RABEP1: variants seen among roughly 807,000 people sequenced by gnomAD.
RABEP1 encodes rabaptin, RAB GTPase binding effector protein 1.
Under a neutral mutation model 123.4 loss-of-function variants are expected in RABEP1, and 51 were observed. The observed-to-expected ratio is 0.41, with a 90% CI of 0.33 to 0.52. RABEP1 has a LOEUF of 0.52. Among genes scored for constraint, RABEP1 ranks in the 20% least tolerant of loss-of-function variants. The pLI is 0.16. For missense variants in RABEP1, 888 were observed against 996.3 expected (o/e 0.89, Z 1.46); for synonymous variants, 347 against 355.2 (o/e 0.98, Z 0.26).
intron 5 of RABEP1, among the ~76,000 whole-genome samples, chr17:5,344,142 A>G (rs1907863542): frequency 6.6e-6 from 1 of 152,228 alleles, no homozygotes; most frequent in Admixed American, 6.5e-5. Context: ...CTGACAAAAT[A>G]TTAATATCCA....
At chr17:5,364,710 CAAAA>C (rs200314940) in intron 10 of RABEP1, among the ~76,000 whole-genome samples, 24 of 112,642 alleles carry the variant, frequency 2.1e-4, no homozygotes, top group Admixed American at 3.7e-4. Context: ...ACTCTTGTCT[CAAAA>C]AAAAAAAAAA....
chr17:5,360,932 A>T (rs1372413250), intron 8 of RABEP1: 1 of 381,068 alleles, frequency 2.6e-6, no homozygotes, highest in East Asian at 5.2e-5. Flanking sequence ...TCCTTTTATC[A>T]CAGTATTATA....
intron 12 of RABEP1, among the ~76,000 whole-genome samples, chr17:5,371,839 C>A (rs1027609333): frequency 6.6e-6 from 1 of 152,136 alleles, no homozygotes; most frequent in African/African-American, 2.4e-5. Flanking sequence ...TCTTTCTCCT[C>A]TATTGGACCA....
At chr17:5,336,279 C>T (rs987996062) in intron 4 of RABEP1, among the ~76,000 whole-genome samples, 2 of 151,988 alleles carry the variant, frequency 1.3e-5, no homozygotes, top group Admixed American at 1.3e-4. Context: ...AATTTTAGAA[C>T]TGTTTTTGAT....
rs1311154467 is a variant in RABEP1 at position 5,338,428 on chromosome 17, C to T, written c.648+290C>T. On this transcript the variant is annotated intron_variant, in intron 5 of 17. Transcript: ENST00000537505. The stretch of plus-strand genomic sequence containing the variant: ...AATACAAATTAACCAGGCATGGTGG[C>T]GCATGCCTGTAATCCCGGCTGCTCC... Among the ~76,000 whole-genome samples the T allele has an allele frequency of 9.2e-5, 14 of 152,254 alleles. No homozygotes were observed. In the East Asian group the frequency reaches 1.2e-3, roughly 13 times the overall value.
At chr17:5,299,287 C>T (rs2075111259) in intron 1 of RABEP1, among the ~76,000 whole-genome samples, 1 of 151,986 alleles carries the variant, frequency 6.6e-6, no homozygotes, top group African/African-American at 2.4e-5. Context: ...TGCCCTGGAC[C>T]TGGAATTGGT....
chr17:5,282,392 G>C lies in RABEP1; in HGVS notation c.-95G>C. On this transcript the variant is annotated 5_prime_UTR_variant, in exon 1 of 18. Transcript: ENST00000537505. ...TTTCTCTCTGGGCGGCGGCGGCGGC[G>C]GCTCGGTTGACGCCTCCTCCGCCAG... The C allele has an allele frequency of 9.8e-7, 1 of 1,017,320 alleles. No individual in the cohort carries two copies. The highest frequency in any genetic ancestry group is 1.3e-6 in the Non-Finnish European group (1 of 768,262). The allele number at this position is 1,017,320 out of a possible 1,614,324, so 63.0% of individuals were successfully genotyped here.
intron 5 of RABEP1, among the ~76,000 whole-genome samples, chr17:5,344,920 G>A (rs1458357720): frequency 2.0e-5 from 3 of 151,830 alleles, no homozygotes; most frequent in East Asian, 1.9e-4. Flanking sequence ...CTGAGATCGC[G>A]GCACCACCCT....
chr17:5,292,831 A>G (rs1181777228), intron 1 of RABEP1, among the ~76,000 whole-genome samples: 1 of 151,918 alleles, frequency 6.6e-6, no homozygotes, highest in Non-Finnish European at 1.5e-5. Context: ...ACAGGCATGC[A>G]CCACCATGCC....
At chr17:5,372,319 C>CCTGT (rs2144709826) in intron 12 of RABEP1, among the ~76,000 whole-genome samples, 1 of 152,212 alleles carries the variant, frequency 6.6e-6, no homozygotes, top group African/African-American at 2.4e-5. Context: ...GTGGTGCGTG[C>CCTGT]CTGTAGTCCC....
At position 5,282,307 on chromosome 17, in the gene RABEP1, G is replaced by A. The variant is rs887903382; in HGVS notation, c.-180G>A. The A allele has an allele frequency of 1.9e-5, 8 of 420,754 alleles. No homozygotes were observed. Among genetic ancestry groups the A allele is most frequent in the Admixed American group, 1.3e-4 (3 of 22,618 alleles). The allele number at this position is 420,754 out of a possible 1,614,324, so 26.1% of individuals were successfully genotyped here. A position where few individuals can be genotyped will look rare whatever the true frequency, so the allele number is the denominator to read the frequency against. ...CTGTCAGGATGAGGAGGCGGAGGTC[G>A]GCGGTCGGGTCCGTCTCTGCCCGCG... On this transcript the variant is annotated 5_prime_UTR_variant, in exon 1 of 18. Transcript: ENST00000537505.
intron 7 of RABEP1, among the ~76,000 whole-genome samples, chr17:5,353,526 A>G (rs1043986525): frequency 3.3e-5 from 5 of 152,168 alleles, no homozygotes; most frequent in Non-Finnish European, 7.3e-5. Flanking sequence ...ACATTTGTTA[A>G]TGTTTCTAAT....
chr17:5,334,567 T>C (rs893472923), intron 3 of RABEP1, among the ~76,000 whole-genome samples: 7 of 152,216 alleles, frequency 4.6e-5, no homozygotes, highest in African/African-American at 1.4e-4. Context: ...GGTTTTGCCA[T>C]GTCGGCCAGG....
intron 16 of RABEP1, 85 bp from the exon 17 acceptor site, chr17:5,381,304 A>T (rs1034193374): frequency 3.2e-6 from 5 of 1,548,556 alleles, no homozygotes; most frequent in African/African-American, 1.4e-5. Context: ...TTTCTGCCCT[A>T]GTAGTAGGTA....
intron 8 of RABEP1, among the ~76,000 whole-genome samples, chr17:5,356,318 T>C (rs1261914146): frequency 6.6e-6 from 1 of 152,174 alleles, no homozygotes; most frequent in Non-Finnish European, 1.5e-5. Flanking sequence ...ATTTTGCTAC[T>C]GCACTCCAGC....
chr17:5,313,075 A>G (rs983621409), intron 2 of RABEP1, among the ~76,000 whole-genome samples: 1 of 152,230 alleles, frequency 6.6e-6, no homozygotes, highest in Admixed American at 6.5e-5. Flanking sequence ...GCGCCACTGC[A>G]CTCCAGCCTG....
At chr17:5,329,626 A>G (rs1161908296) in intron 2 of RABEP1, among the ~76,000 whole-genome samples, 2 of 152,202 alleles carry the variant, frequency 1.3e-5, no homozygotes, top group African/African-American at 4.8e-5. Context: ...ACTTTTGAAT[A>G]TGTTTGAAAA....
chr17:5,386,102 C>T lies in RABEP1; in HGVS notation c.*2879C>T. 1.3e-6 allele frequency: 1 copy of T among 788,108 alleles called. No homozygotes were observed. The highest frequency in any genetic ancestry group is 2.1e-6 in the Non-Finnish European group (1 of 486,428). 48.8% of individuals were successfully genotyped at this position (788,108 alleles called of 1,614,324 possible). Reference sequence around the variant, plus strand: ...TAAAAAGATGAACCACACCAAAGGTCATCAAAACACCTTTTTATAAATTAG... The same window carrying T: ...TAAAAAGATGAACCACACCAAAGGTTATCAAAACACCTTTTTATAAATTAG... On this transcript the variant is annotated 3_prime_UTR_variant, in exon 18 of 18. Transcript: ENST00000537505.
chr17:5,359,246 T>C (rs939611321), intron 8 of RABEP1, among the ~76,000 whole-genome samples: 2 of 152,072 alleles, frequency 1.3e-5, no homozygotes, highest in African/African-American at 4.8e-5. Context: ...GCTAATTTTT[T>C]GTAATTTTTA....
Sources: allele counts gnomAD v4.1 joint callset (sites outside exome capture counted in the v4.1 genomes callset), GRCh38; gene constraint gnomAD v4.1.1; transcripts MANE v1.5; gene names NCBI Gene and HGNC (gene_info 2026-07-23, HGNC 2026-07-21).